HEG1: variants seen among roughly 807,000 people sequenced by gnomAD.
HEG1 encodes the protein heart development protein with EGF like domains 1, also known as protein HEG homolog 1.
A neutral mutation model predicts 125.6 loss-of-function variants in HEG1; 56 were observed. The observed-to-expected ratio is 0.45, with a 90% CI of 0.36 to 0.56. The LOEUF (loss-of-function observed/expected upper bound fraction) is 0.56. Among genes scored for constraint, HEG1 ranks in the 20% least tolerant of loss-of-function variants. HEG1 has a pLI of 0.00. For missense variants in HEG1, 1,523 were observed against 1,670.0 expected (o/e 0.91, Z 1.53); for synonymous variants, 644 against 668.5 (o/e 0.96, Z 0.57).
intron 1 of HEG1, among the ~76,000 whole-genome samples, chr3:125,047,027 G>T (rs1346654818): frequency 6.6e-6 from 1 of 152,216 alleles, no homozygotes; most frequent in Non-Finnish European, 1.5e-5. Flanking sequence ...TGTTGCACTT[G>T]GTTTTTCTGA....
rs914021589 is a variant in HEG1, at chr3:124,969,335, A to C, written c.*1317T>G. The C allele has an allele frequency of 1.3e-5, 2 of 152,166 alleles. No individual in the cohort carries two copies. Among genetic ancestry groups the C allele is most frequent in the Non-Finnish European group, 2.9e-5 (2 of 68,032 alleles). The allele number at this position is 152,166 out of a possible 1,614,324, so 9.4% of individuals were successfully genotyped here. A position where few individuals can be genotyped will look rare whatever the true frequency, so the allele number is the denominator to read the frequency against. On this transcript the variant is annotated 3_prime_UTR_variant, in exon 17 of 17. Coordinates refer to ENST00000311127, the MANE Select transcript of HEG1 (RefSeq NM_020733.2). ...TAAGATGAGTGGAACTTCCTTCCCG[A>C]AGGTCAACCCTCAGTTCCTCGACCA...
chr3:125,017,394 A>G (rs1937267759), intron 5 of HEG1, among the ~76,000 whole-genome samples: 1 of 152,232 alleles, frequency 6.6e-6, no homozygotes, highest in African/African-American at 2.4e-5. Context: ...AAGTCAAATA[A>G]CCCAATTTTA....
intron 11 of HEG1, 67 bp downstream of exon 11, chr3:125,001,785 T>C: frequency 1.3e-6 from 2 of 1,539,576 alleles, no homozygotes; most frequent in Non-Finnish European, 1.8e-6. Flanking sequence ...CTGGATGCCT[T>C]GCATTTCCAT....
intron 3 of HEG1, among the ~76,000 whole-genome samples, chr3:125,022,696 GAAAT>G (rs1038450791): frequency 9.9e-5 from 4 of 40,354 alleles, no homozygotes; most frequent in Admixed American, 2.4e-4. Flanking sequence ...AAAAAAAAAA[GAAAT>G]AAATAAATAA....
chr3:125,022,870 T>C (rs1477016641), intron 3 of HEG1, among the ~76,000 whole-genome samples: 1 of 152,172 alleles, frequency 6.6e-6, no homozygotes, highest in Non-Finnish European at 1.5e-5. Flanking sequence ...GGATACTGCA[T>C]TAATTTCATC....
rs374445752 is a variant in HEG1, at chr3:125,011,770, C to T, written c.2956+853G>A. ...TCTCTTCTTTCCTTCTTCCCTAAGA[C>T]GCCAGTTTCCATTTCACTCCTCCAA... is the stretch of plus-strand genomic sequence containing the variant. On this transcript the variant is annotated intron_variant, in intron 6 of 16. Coordinates refer to ENST00000311127, the MANE Select transcript of HEG1 (RefSeq NM_020733.2). Among the ~76,000 whole-genome samples, 40 of 152,326 alleles carry T rather than the reference C, an allele frequency of 2.6e-4. No homozygotes were observed. The East Asian group carries it at 4.0e-3, about 15-fold the overall frequency.
chr3:124,968,153 G>A lies in HEG1; in HGVS notation c.*2499C>T, dbSNP rs986792531. ...CTGACATGGAGCACTGTGTCTGGGC[G>A]GAGAGCCTCGGCGTGCCAGGTGTGC... On this transcript the variant is annotated 3_prime_UTR_variant, in exon 17 of 17. Transcript: ENST00000311127. 6 of 152,540 alleles carry A rather than the reference G, an allele frequency of 3.9e-5. No homozygotes were observed. Among genetic ancestry groups the A allele is most frequent in the East Asian group, 3.8e-4 (2 of 5,206 alleles). 9.4% of individuals were successfully genotyped at this position (152,540 alleles called of 1,614,324 possible).
intron 5 of HEG1, among the ~76,000 whole-genome samples, 162 bp from the exon 6 acceptor site, chr3:125,014,152 G>A (rs1400282047): frequency 1.3e-5 from 2 of 151,994 alleles, no homozygotes; most frequent in South Asian, 2.1e-4. Context: ...TCTGAATAAA[G>A]ACATTGTGGG....
chr3:125,026,567 A>G (rs1937417400), intron 3 of HEG1, among the ~76,000 whole-genome samples: 1 of 152,206 alleles, frequency 6.6e-6, no homozygotes, highest in Admixed American at 6.5e-5. Flanking sequence ...AATGATGCCT[A>G]GAAAAATGTA....
At chr3:125,037,123 G>T (rs1028985923) in intron 1 of HEG1, among the ~76,000 whole-genome samples, 2 of 152,186 alleles carry the variant, frequency 1.3e-5, no homozygotes, top group African/African-American at 4.8e-5. Flanking sequence ...ATACATTGTT[G>T]ATACAGTTTT....
chr3:124,988,196 C>T (rs757584918), intron 14 of HEG1, among the ~76,000 whole-genome samples: 2 of 151,824 alleles, frequency 1.3e-5, no homozygotes, highest in Admixed American at 6.6e-5. Context: ...TGAACACACA[C>T]CACTCTGTAG....
intron 11 of HEG1, among the ~76,000 whole-genome samples, chr3:124,999,497 T>G (rs1487474800): frequency 1.8e-4 from 27 of 152,198 alleles, no homozygotes; most frequent in Non-Finnish European, 2.9e-5. Flanking sequence ...CAGAGTTGCC[T>G]GGCCTGATTA....
chr3:125,009,343 C>T (rs563647071), intron 8 of HEG1, among the ~76,000 whole-genome samples: 2 of 149,636 alleles, frequency 1.3e-5, no homozygotes, highest in South Asian at 4.2e-4. Flanking sequence ...TTTTTCCTAG[C>T]TCCAGGGTGG....
Position 124,985,703 on chromosome 3 carries a change from G to A in HEG1, c.3733+5084C>T, listed in dbSNP as rs759648248. 6.3e-4 allele frequency among the ~76,000 whole-genome samples: 96 copies of A among 152,230 alleles called. 1 individual carries two copies. Among genetic ancestry groups the A allele is most frequent in the Non-Finnish European group, 2.2e-4 (15 of 68,038 alleles). On this transcript the variant is annotated intron_variant, in intron 14 of 16. Transcript: ENST00000311127. The stretch of plus-strand genomic sequence containing the variant: ...TGTGATAAGAAAGGTGCAGGCCTGC[G>A]CTGCCCAGGAGTGGGGGCCCTGCTC...
chr3:124,972,280 G>C (rs915912670), intron 16 of HEG1: 2 of 152,212 alleles, frequency 1.3e-5, no homozygotes, highest in Middle Eastern at 3.2e-3. Context: ...GGATGAGAGT[G>C]TGGGGACACA....
rs1936485715 is a variant in HEG1, at chr3:124,973,737, G to GTTTTCC, written c.3989_3990insGGAAAA (p.Tyr1330delinsTer). 3.1e-6 allele frequency: 5 copies of GTTTTCC among 1,613,404 alleles called. No homozygotes were observed. Reference sequence around the variant, plus strand: ...CTGACACAGGAATACACACCGAGTAGTACACATCCGTCATCTGGAGGAGGT... The same window carrying GTTTTCC: ...CTGACACAGGAATACACACCGAGTAGTTTTCCTACACATCCGTCATCTGGAGGAGGT... On this transcript the variant is annotated stop_gained, in exon 16 of 17. Coordinates refer to ENST00000311127, the MANE Select transcript of HEG1 (RefSeq NM_020733.2). LOFTEE classifies it high-confidence loss of function.
chr3:125,013,575 A>AGAG lies in HEG1; in HGVS notation c.2001_2003dup (p.Ser672dup). 5 of 1,577,712 alleles carry AGAG rather than the reference A, an allele frequency of 3.2e-6. No homozygotes were observed. The highest frequency in any genetic ancestry group is 1.1e-5 in the South Asian group (1 of 87,074). ...GCAAAGGAGGCCCTGAAGAAGAAGAAGAGGAGGAGGAGGAAGAGGAGGAGG... is the reference window on the plus strand; with the variant it reads ...GCAAAGGAGGCCCTGAAGAAGAAGAAGAGGAGGAGGAGGAGGAAGAGGAGGAGG... On this transcript the variant is annotated inframe_insertion, in exon 6 of 17. Coordinates refer to ENST00000311127, the MANE Select transcript of HEG1 (RefSeq NM_020733.2).
At chr3:125,014,035 A>G (rs1354165488) in intron 5 of HEG1, 45 bp from the exon 6 acceptor site, 1 of 1,503,252 alleles carries the variant, frequency 6.7e-7, no homozygotes, top group South Asian at 1.3e-5. Flanking sequence ...AAGAACAACA[A>G]AACTCTGAAA....
intron 3 of HEG1, among the ~76,000 whole-genome samples, chr3:125,022,396 CGA>C (rs10565452): frequency 0.019 from 2,694 of 142,438 alleles, 23 homozygotes; most frequent in African/African-American, 0.04. Flanking sequence ...ATCACTACAG[CGA>C]GAGAGAGAGA....
Sources: allele counts gnomAD v4.1 joint callset (sites outside exome capture counted in the v4.1 genomes callset), GRCh38; gene constraint gnomAD v4.1.1; transcripts MANE v1.5; gene names NCBI Gene and HGNC (gene_info 2026-07-23, HGNC 2026-07-21).